Variants in TMF1 observed in about 807,000 individuals in gnomAD.
TMF1 encodes the protein TATA element modulatory factor 1, also known as TATA element modulatory factor.
In TMF1, 71 loss-of-function variants were observed where a neutral mutation model predicts 126.5. That is an observed-to-expected ratio of 0.56 (90% CI 0.46 to 0.68). The LOEUF is 0.68. Among genes scored for constraint, TMF1 ranks in the 30% least tolerant of loss-of-function variants. The pLI, the probability that TMF1 is intolerant of heterozygous loss-of-function variation, is 0.00. For missense variants in TMF1, 1,259 were observed against 1,253.2 expected (o/e 1.00, Z -0.07); for synonymous variants, 461 against 430.5 (o/e 1.07, Z -0.88).
At chr3:69,048,753 G>A (rs1008654137) in intron 1 of TMF1, 191 bp from the exon 2 acceptor site, 1 of 507,782 alleles carries the variant, frequency 2.0e-6, no homozygotes, top group African/African-American at 2.0e-5. Context: ...ACTTACGGAA[G>A]AAAACTGGTG....
intron 8 of TMF1, among the ~76,000 whole-genome samples, chr3:69,037,852 C>G (rs1198764147): frequency 6.6e-6 from 1 of 151,758 alleles, no homozygotes; most frequent in African/African-American, 2.4e-5. Context: ...ACACCATACT[C>G]AGTTACCACT....
chr3:69,039,411 TATC>T, intron 6 of TMF1, 137 bp downstream of exon 6: 1 of 999,702 alleles, frequency 1.0e-6, no homozygotes, highest in South Asian at 1.9e-5. Context: ...TAAAAAATCT[TATC>T]ATTTATCTAT....
intron 2 of TMF1, 135 bp downstream of exon 2, chr3:69,047,223 C>T (rs2091900103): frequency 9.6e-7 from 1 of 1,047,036 alleles, no homozygotes; most frequent in Non-Finnish European, 1.3e-6. Flanking sequence ...GTACTTAATG[C>T]TACACAGAAA....
chr3:69,039,030 C>A, intron 6 of TMF1, 21 bp from the exon 7 acceptor site: 2 of 1,483,310 alleles, frequency 1.3e-6, no homozygotes, highest in South Asian at 2.8e-5. Flanking sequence ...TAAAAACAGA[C>A]AAAAGTATTT....
rs1045984274 is a variant in TMF1 at position 69,052,311 on chromosome 3, A to G, written c.-225T>C. The G allele has an allele frequency of 5.0e-5, 20 of 396,424 alleles. No homozygotes were observed. Among genetic ancestry groups the G allele is most frequent in the African/African-American group, 3.3e-4 (16 of 48,308 alleles). 24.6% of individuals were successfully genotyped at this position (396,424 alleles called of 1,614,324 possible). ...ATGTGCGCATGCGCTTGCTTCTTCC[A>G]CGTACACAGCAACCAAATCTACGAG... On this transcript the variant is annotated 5_prime_UTR_variant, in exon 1 of 17. Transcript: ENST00000398559.
At chr3:69,030,382 A>G (rs1482962062) in intron 10 of TMF1, 2 of 157,802 alleles carry the variant, frequency 1.3e-5, no homozygotes, top group Non-Finnish European at 2.8e-5. Context: ...ACATGAAACT[A>G]TAAAACTTTT....
intron 1 of TMF1, among the ~76,000 whole-genome samples, chr3:69,051,390 G>A (rs978624222): frequency 2.0e-5 from 3 of 152,090 alleles, no homozygotes; most frequent in Non-Finnish European, 4.4e-5. Context: ...AAGGAGAATC[G>A]CTAGAACCTG....
intron 5 of TMF1, among the ~76,000 whole-genome samples, chr3:69,041,591 G>A (rs1289755325): frequency 6.6e-6 from 1 of 151,878 alleles, no homozygotes; most frequent in Non-Finnish European, 1.5e-5. Flanking sequence ...ACTAGAAATA[G>A]TAAAACATAT....
intron 1 of TMF1, among the ~76,000 whole-genome samples, chr3:69,050,504 A>G (rs1196159530): frequency 6.6e-6 from 1 of 152,180 alleles, no homozygotes; most frequent in African/African-American, 2.4e-5. Flanking sequence ...CTTGGAGAAT[A>G]CTTTATATAA....
chr3:69,028,194 C>T (rs1289175790), intron 12 of TMF1, 32 bp downstream of exon 12: 1 of 1,572,176 alleles, frequency 6.4e-7, no homozygotes, highest in Admixed American at 1.7e-5. Context: ...TAATGTATGC[C>T]CTAAGAGCTG....
intron 2 of TMF1, among the ~76,000 whole-genome samples, chr3:69,047,034 A>C (rs2091899308): frequency 6.6e-6 from 1 of 152,190 alleles, no homozygotes; most frequent in African/African-American, 2.4e-5. Flanking sequence ...TAATGTAAGA[A>C]AATATTCCTT....
chr3:69,052,242 T>C lies in TMF1; in HGVS notation c.-156A>G, dbSNP rs1252728029. On this transcript the variant is annotated 5_prime_UTR_variant, in exon 1 of 17. Coordinates refer to ENST00000398559, the MANE Select transcript of TMF1 (RefSeq NM_007114.3). ...CCGACAGCCTCCCGCGAGCCCGGGA[T>C]GTTACCCTCGGCCGTTCCCGCACAG... 3.7e-6 allele frequency: 3 copies of C among 805,518 alleles called. No individual in the cohort carries two copies. Among genetic ancestry groups the C allele is most frequent in the African/African-American group, 1.8e-5 (1 of 56,538 alleles). 49.9% of individuals were successfully genotyped at this position (805,518 alleles called of 1,614,324 possible).
rs115684987 is a variant in TMF1 at position 69,031,770 on chromosome 3, A to G, written c.2402-1763T>C. On this transcript the variant is annotated intron_variant, in intron 10 of 16. Transcript: ENST00000398559. ...TTACACTCTGCTCCACAGCATAGCT[A>G]TGGTCTTTTTAATAGCATTCCTTGG... 8.6e-4 allele frequency among the ~76,000 whole-genome samples: 131 copies of G among 152,316 alleles called. 2 individuals carry two copies. The highest frequency in any genetic ancestry group is 2.9e-3 in the East Asian group (15 of 5,182).
intron 9 of TMF1, chr3:69,033,913 C>G: frequency 2.5e-6 from 1 of 407,380 alleles, no homozygotes; most frequent in South Asian, 3.6e-5. Flanking sequence ...TCACTGTAGC[C>G]TCAACCTCCT....
chr3:69,026,191 T>C (rs931852842), intron 13 of TMF1, 94 bp from the exon 14 acceptor site: 1 of 797,470 alleles, frequency 1.3e-6, no homozygotes, highest in Non-Finnish European at 2.1e-6. Context: ...GAACAAAGAT[T>C]CAGTCTTTTA....
intron 9 of TMF1, among the ~76,000 whole-genome samples, chr3:69,034,803 T>C (rs1317871161): frequency 6.6e-6 from 1 of 152,190 alleles, no homozygotes; most frequent in Admixed American, 6.5e-5. Flanking sequence ...ATAACAAATC[T>C]ATCATAACAT....
intron 8 of TMF1, among the ~76,000 whole-genome samples, chr3:69,036,840 T>C (rs2091834209): frequency 6.6e-6 from 1 of 152,236 alleles, no homozygotes; most frequent in African/African-American, 2.4e-5. Flanking sequence ...AGAAAACTGA[T>C]GAAGATCTGC....
At position 69,035,010 on chromosome 3, in the gene TMF1, C is replaced by A. The variant is rs2271121; in HGVS notation, c.2244+13G>T. ...ACTTCTTGGATTTGTGTTTTGGAAA[C>A]CTGTGACAGTACCTGCTGAAGTTCA... is the stretch of plus-strand genomic sequence containing the variant. On this transcript the variant is annotated intron_variant, in intron 9 of 16. Coordinates refer to ENST00000398559, the MANE Select transcript of TMF1 (RefSeq NM_007114.3). 0.27 allele frequency: 430,951 copies of A among 1,607,938 alleles called. 60,510 individuals are homozygous for A. Among genetic ancestry groups the A allele is most frequent in the East Asian group, 0.52 (23,301 of 44,808 alleles).
intron 2 of TMF1, 38 bp from the exon 3 acceptor site, chr3:69,044,633 C>T (rs774916383): frequency 7.0e-7 from 1 of 1,426,978 alleles, no homozygotes; most frequent in Non-Finnish European, 9.7e-7. Context: ...GAACGCTTAG[C>T]TTTAAAAAAG....
Sources: gnomAD v4.1 joint callset for allele counts (sites outside exome capture counted in the v4.1 genomes callset) on GRCh38, gnomAD v4.1.1 for gene constraint, MANE v1.5 for transcripts, NCBI Gene and HGNC (gene_info 2026-07-23, HGNC 2026-07-21) for gene names.